The following FABP6 variants were observed in gnomAD, a reference collection of about 807,000 sequenced individuals.
FABP6 encodes fatty acid binding protein 6, also known as gastrotropin.
Under a neutral mutation model 14.9 loss-of-function variants are expected in FABP6, and 13 were observed. That is an observed-to-expected ratio of 0.87 (90% CI 0.57 to 1.39). The LOEUF (loss-of-function observed/expected upper bound fraction) is 1.39. Among genes scored for constraint, FABP6 ranks in the 40% most tolerant of loss-of-function variants. The probability of loss-of-function intolerance (pLI) is 0.00; values close to 1 mark genes in which losing one functional copy is unlikely to be tolerated. For synonymous variants in FABP6, 75 were observed against 63.6 expected (o/e 1.18, Z -0.85); for missense variants, 161 against 167.2 (o/e 0.96, Z 0.20).
At chr5:160,227,527 A>G (rs1409778843), upstream of FABP6, among the ~76,000 whole-genome samples, 1 of 137,816 alleles carries the variant, frequency 7.3e-6, no homozygotes, top group Admixed American at 7.0e-5. Context: ...CTTCACTTCA[A>G]AAAAAAAAAA....
intron 3 of FABP6, among the ~76,000 whole-genome samples, chr5:160,237,550 G>A (rs996678606): frequency 9.2e-5 from 14 of 151,658 alleles, no homozygotes; most frequent in Non-Finnish European, 1.3e-4. Context: ...CCTGCCTTCC[G>A]CCACCAGCAC....
chr5:160,196,821 C>A (rs1263815708), intron 1 of FABP6: 1 of 152,364 alleles, frequency 6.6e-6, no homozygotes, highest in Non-Finnish European at 1.5e-5. Context: ...GATCTGCCCA[C>A]CTCGACCTCC....
chr5:160,216,681 A>G (rs565515006), intron 3 of FABP6, among the ~76,000 whole-genome samples: 3 of 152,238 alleles, frequency 2.0e-5, no homozygotes, highest in South Asian at 4.1e-4. Context: ...TCCTATCCAA[A>G]CTTAATCAAT....
intron 1 of FABP6, among the ~76,000 whole-genome samples, chr5:160,187,607 G>A (rs1759312443): frequency 6.6e-6 from 1 of 152,042 alleles, no homozygotes; most frequent in Admixed American, 6.6e-5. Context: ...GCCCTGACTT[G>A]GGGGAACAAG....
chr5:160,205,467 C>T (rs1231584918), intron 2 of FABP6, among the ~76,000 whole-genome samples: 3 of 152,202 alleles, frequency 2.0e-5, no homozygotes, highest in African/African-American at 7.2e-5. Flanking sequence ...CTGGCTTCCC[C>T]CTTCCTGATG....
At chr5:160,226,281 G>T (rs1417695973), upstream of FABP6, among the ~76,000 whole-genome samples, 3 of 151,964 alleles carry the variant, frequency 2.0e-5, no homozygotes, top group Non-Finnish European at 2.9e-5. Context: ...AGTAAATATA[G>T]GCCGAGCGCG....
intron 3 of FABP6, among the ~76,000 whole-genome samples, chr5:160,214,938 T>C (rs1759981408): frequency 6.6e-6 from 1 of 152,178 alleles, no homozygotes; most frequent in African/African-American, 2.4e-5. Context: ...CCTGCAGAAC[T>C]TCCCAGCTTG....
At chr5:160,226,851 G>A (rs1469275264), upstream of FABP6, among the ~76,000 whole-genome samples, 1 of 152,180 alleles carries the variant, frequency 6.6e-6, no homozygotes, top group Non-Finnish European at 1.5e-5. Flanking sequence ...AGGCGGGAGT[G>A]TAAACTGCTA....
At chr5:160,228,494 T>C (rs1239165623), upstream of FABP6, 14 of 456,154 alleles carry the variant, frequency 3.1e-5, no homozygotes, top group East Asian at 2.1e-4. Flanking sequence ...ACAAGATGGG[T>C]AGGCCGGAGT....
chr5:160,237,398 C>T (rs949438384), intron 3 of FABP6, among the ~76,000 whole-genome samples: 4 of 152,130 alleles, frequency 2.6e-5, no homozygotes, highest in Non-Finnish European at 5.9e-5. Context: ...GACCCAGGCA[C>T]GTGCACACAT....
At chr5:160,232,949 A>AG (rs1383530546) in intron 2 of FABP6, among the ~76,000 whole-genome samples, 1 of 149,598 alleles carries the variant, frequency 6.7e-6, no homozygotes, top group African/African-American at 2.5e-5. Flanking sequence ...GTTACACAAC[A>AG]GGGGCAGGCC....
chr5:160,202,786 G>A (rs371594580), intron 2 of FABP6, among the ~76,000 whole-genome samples: 17 of 140,102 alleles, frequency 1.2e-4, no homozygotes, highest in Middle Eastern at 3.7e-3. Flanking sequence ...GGAACAGAGC[G>A]AAACTCCATC....
At chr5:160,196,169 G>C (rs1035427747) in intron 1 of FABP6, among the ~76,000 whole-genome samples, 3 of 152,252 alleles carry the variant, frequency 2.0e-5, no homozygotes, top group African/African-American at 7.2e-5. Flanking sequence ...CAGGTGGCTT[G>C]ATGATGCCTG....
intron 1 of FABP6, chr5:160,198,006 AGGTGGGGGAAGGAGCT>A (rs1490925622): frequency 7.5e-6 from 1 of 133,776 alleles, no homozygotes; most frequent in Non-Finnish European, 1.6e-5. Context: ...GAGGAGCAGG[AGGTGGGGGAAGGAGCT>A]GGAGAGGGAA....
At chr5:160,201,407 T>TG (rs1250219552) in intron 2 of FABP6, among the ~76,000 whole-genome samples, 16 of 46,446 alleles carry the variant, frequency 3.4e-4, no homozygotes, top group African/African-American at 6.6e-4. Flanking sequence ...TTGCCTAGGG[T>TG]GGGGGGGTAG....
At chr5:160,227,818 A>ATGTGTG (rs776387001), upstream of FABP6, among the ~76,000 whole-genome samples, 30,668 of 125,992 alleles carry the variant, frequency 0.24, 3,713 homozygotes, top group Middle Eastern at 0.36. Flanking sequence ...AAAATCCATG[A>ATGTGTG]CGTGTGTGTG....
chr5:160,233,596 C>G (rs952124245), intron 2 of FABP6, among the ~76,000 whole-genome samples: 2 of 152,006 alleles, frequency 1.3e-5, no homozygotes, highest in Admixed American at 1.3e-4. Context: ...AGAAACTGGC[C>G]GGGCACGGTG....
At chr5:160,214,804 G>T (rs10037899) in intron 3 of FABP6, among the ~76,000 whole-genome samples, 4 of 151,582 alleles carry the variant, frequency 2.6e-5, no homozygotes, top group Admixed American at 2.6e-4. Context: ...AAGAAAGAAA[G>T]AAAGAAAGAA....
At chr5:160,230,231 A>T (rs1760348306) in intron 1 of FABP6, among the ~76,000 whole-genome samples, 1 of 152,090 alleles carries the variant, frequency 6.6e-6, no homozygotes, top group African/African-American at 2.4e-5. Flanking sequence ...TAGTATTTCC[A>T]CTTTACTGAT....
Sources: gnomAD v4.1 joint callset for allele counts (sites outside exome capture counted in the v4.1 genomes callset) on GRCh38, gnomAD v4.1.1 for gene constraint, MANE v1.5 for transcripts, NCBI Gene and HGNC (gene_info 2026-07-23, HGNC 2026-07-21) for gene names.